The following EYS variants were observed in gnomAD, a reference collection of about 807,000 sequenced individuals.
EYS encodes protein eyes shut homolog.
Under a neutral mutation model 282.1 loss-of-function variants are expected in EYS, and 250 were observed. That is an observed-to-expected ratio of 0.89 (90% CI 0.80 to 0.98). The LOEUF is 0.98. EYS is among the 50% of genes least tolerant of loss of function. The pLI is 0.00. For synonymous variants in EYS, 1,355 were observed against 1,282.9 expected (o/e 1.06, Z -1.20); for missense variants, 4,016 against 3,709.0 (o/e 1.08, Z -2.15).
At chr6:63,761,864 C>T (rs1301481034) in intron 41 of EYS, among the ~76,000 whole-genome samples, 1 of 151,940 alleles carries the variant, frequency 6.6e-6, no homozygotes, top group African/African-American at 2.4e-5. Context: ...TCTGGAAGTC[C>T]CAGCCAGGTA....
chr6:65,021,555 C>G (rs1254277766), intron 13 of EYS, among the ~76,000 whole-genome samples: 1 of 152,196 alleles, frequency 6.6e-6, no homozygotes, highest in East Asian at 1.9e-4. Context: ...CTAAGAAGTT[C>G]CAAATGTTCC....
intron 22 of EYS, among the ~76,000 whole-genome samples, chr6:64,713,809 A>G (rs1262804430): frequency 1.3e-5 from 2 of 152,196 alleles, no homozygotes; most frequent in Non-Finnish European, 2.9e-5. Flanking sequence ...TATATTAAGA[A>G]GGGCTTTCCT....
At chr6:63,833,466 C>T (rs550327564) in intron 36 of EYS, among the ~76,000 whole-genome samples, 9 of 152,146 alleles carry the variant, frequency 5.9e-5, no homozygotes, top group Non-Finnish European at 1.3e-4. Context: ...ACAATTGCTT[C>T]AAAGAAAATA....
intron 22 of EYS, among the ~76,000 whole-genome samples, chr6:64,778,400 A>G (rs973589990): frequency 2.6e-5 from 4 of 152,190 alleles, no homozygotes; most frequent in Non-Finnish European, 4.4e-5. Flanking sequence ...AATGAAAATA[A>G]CCCAAGATAT....
chr6:64,880,998 CT>C (rs1766900948), intron 19 of EYS, among the ~76,000 whole-genome samples: 1 of 151,286 alleles, frequency 6.6e-6, no homozygotes, highest in Non-Finnish European at 1.5e-5. Flanking sequence ...TCCTCCAACC[CT>C]TCTAGGAAGT....
At chr6:65,025,313 A>G (rs1039652671) in intron 13 of EYS, among the ~76,000 whole-genome samples, 4 of 152,100 alleles carry the variant, frequency 2.6e-5, no homozygotes, top group Non-Finnish European at 4.4e-5. Context: ...CCCACTTAAA[A>G]CAATACAGCA....
intron 19 of EYS, among the ~76,000 whole-genome samples, chr6:64,855,979 TTACTGATG>T (rs1199048353): frequency 1.3e-5 from 2 of 152,180 alleles, no homozygotes; most frequent in Non-Finnish European, 2.9e-5. Context: ...AATTTCCATT[TTACTGATG>T]TACTGGTTTG....
chr6:65,533,794 A>G (rs1767870359), intron 2 of EYS, among the ~76,000 whole-genome samples: 1 of 152,132 alleles, frequency 6.6e-6, no homozygotes, highest in Non-Finnish European at 1.5e-5. Context: ...GAACTGAAAA[A>G]AATACATTTC....
chr6:64,802,709 C>T (rs1286771005), intron 22 of EYS, among the ~76,000 whole-genome samples: 2 of 152,158 alleles, frequency 1.3e-5, no homozygotes, highest in Non-Finnish European at 2.9e-5. Flanking sequence ...TAATAACAAA[C>T]TATCTCAAGA....
chr6:64,212,329 CA>C (rs1582434402), intron 31 of EYS, among the ~76,000 whole-genome samples: 2 of 151,814 alleles, frequency 1.3e-5, no homozygotes, highest in East Asian at 3.9e-4. Flanking sequence ...ATATAATTAA[CA>C]TAAATACAAA....
At chr6:63,775,637 G>A (rs1050990692) in intron 40 of EYS, among the ~76,000 whole-genome samples, 2 of 152,074 alleles carry the variant, frequency 1.3e-5, no homozygotes, top group African/African-American at 2.4e-5. Context: ...ACTAGGATAA[G>A]TACAGAAATA....
At chr6:65,446,416 G>T (rs1157786788) in intron 5 of EYS, among the ~76,000 whole-genome samples, 5 of 151,800 alleles carry the variant, frequency 3.3e-5, no homozygotes, top group Non-Finnish European at 5.9e-5. Flanking sequence ...AAGCCTGAAA[G>T]TTTAAATGAT....
At chr6:64,790,381 T>C (rs1244505381) in intron 22 of EYS, among the ~76,000 whole-genome samples, 2 of 151,942 alleles carry the variant, frequency 1.3e-5, no homozygotes, top group Non-Finnish European at 2.9e-5. Flanking sequence ...ATTTATAGCA[T>C]TTAAATGATG....
intron 7 of EYS, among the ~76,000 whole-genome samples, chr6:65,395,806 C>T (rs1326355223): frequency 6.6e-6 from 1 of 152,108 alleles, no homozygotes; most frequent in Non-Finnish European, 1.5e-5. Context: ...TCAAGTTCTC[C>T]CTTCTAACTC....
At chr6:65,278,031 C>CCTTTTCTTTTCTTTT (rs70999189) in intron 12 of EYS, among the ~76,000 whole-genome samples, 5,628 of 107,456 alleles carry the variant, frequency 0.052, 712 homozygotes, top group African/African-American at 0.12. Flanking sequence ...CTTTTCTTTT[C>CCTTTTCTTTTCTTTT]CTTTTCTTTT....
At chr6:65,069,890 C>G (rs1773856472) in intron 12 of EYS, among the ~76,000 whole-genome samples, 1 of 151,768 alleles carries the variant, frequency 6.6e-6, no homozygotes, top group Admixed American at 6.6e-5. Context: ...AAATCATTAT[C>G]TTTCTCCCAA....
chr6:65,410,080 T>C (rs536202527), intron 5 of EYS, among the ~76,000 whole-genome samples: 2 of 152,220 alleles, frequency 1.3e-5, no homozygotes, highest in African/African-American at 2.4e-5. Context: ...ATTAGATGTT[T>C]AGTGGTACTT....
chr6:65,683,846 T>C (rs1214764868), intron 1 of EYS, among the ~76,000 whole-genome samples: 1 of 151,970 alleles, frequency 6.6e-6, no homozygotes, highest in Non-Finnish European at 1.5e-5. Context: ...ATGTATCCAC[T>C]CCCTCTCTCA....
At chr6:65,704,140 T>C (rs910286169) in intron 1 of EYS, among the ~76,000 whole-genome samples, 1 of 152,208 alleles carries the variant, frequency 6.6e-6, no homozygotes, top group African/African-American at 2.4e-5. Flanking sequence ...TGTGGATGCT[T>C]TGAACTTTCT....
Sources: gnomAD v4.1 joint callset for allele counts (sites outside exome capture counted in the v4.1 genomes callset) on GRCh38, gnomAD v4.1.1 for gene constraint, MANE v1.5 for transcripts, NCBI Gene and HGNC (gene_info 2026-07-23, HGNC 2026-07-21) for gene names.